Variants in PTPN7 observed in about 807,000 individuals in gnomAD.
PTPN7 encodes the protein protein tyrosine phosphatase non-receptor type 7.
Under a neutral mutation model 50.3 loss-of-function variants are expected in PTPN7, and 33 were observed. The ratio of observed to expected loss-of-function variants is 0.66; its 90% CI spans 0.50 to 0.88. PTPN7 has a LOEUF of 0.88. PTPN7 is among the 40% of genes least tolerant of loss of function. The pLI, the probability that PTPN7 is intolerant of heterozygous loss-of-function variation, is 0.00. For missense variants in PTPN7, 412 were observed against 475.4 expected (o/e 0.87, Z 1.24); for synonymous variants, 185 against 186.6 (o/e 0.99, Z 0.07).
chr1:202,150,337 A>G lies in PTPN7; in HGVS notation c.963T>C (p.Gly321=), dbSNP rs558313884. The change falls in exon 9 of 10, where the codon GGT becomes GGC. Residue 321 remains glycine (G), a synonymous_variant. Coordinates refer to ENST00000691036, the MANE Select transcript of PTPN7 (RefSeq NM_002832.4). ...LKARGEVDIL[G]IVCQLRLDRG... ...TGTCTAGCCGCAGTTGGCACACAAT[A>G]CCCAGAATGTCCACTTCTCCTCGGG... 50 of 1,612,706 alleles carry G rather than the reference A, an allele frequency of 3.1e-5. No individual in the cohort carries two copies. In the East Asian group the frequency reaches 1.0e-3, roughly 34 times the overall value.
upstream of PTPN7, chr1:202,160,763 C>T: frequency 6.4e-7 from 1 of 1,550,976 alleles, no homozygotes; most frequent in South Asian, 1.2e-5. The surrounding 1 kb of genome is among the most constrained non-coding windows in gnomAD (Gnocchi z 4.8). Context: ...GGGCCCAAGG[C>T]CCCGTTCCCT....
At chr1:202,157,525 G>C (rs947577858) in intron 4 of PTPN7, among the ~76,000 whole-genome samples, 1 of 149,846 alleles carries the variant, frequency 6.7e-6, no homozygotes, top group Non-Finnish European at 1.5e-5. Flanking sequence ...AAAAAAAAAA[G>C]GATTGAGAAC....
At chr1:202,150,468 G>A (rs768842566) in intron 8 of PTPN7, 44 bp from the exon 9 acceptor site, 2 of 1,475,718 alleles carry the variant, frequency 1.4e-6, no homozygotes, top group South Asian at 2.4e-5. Flanking sequence ...TGGGAGACCA[G>A]GGAATATGAG....
rs1657217453 is a variant in PTPN7, at chr1:202,160,235, G to T, written c.-53+310C>A. Reference sequence around the variant, plus strand: ...TCACAGTGGGCGAGGTGGCGGGGGTGTTGAATCACCAAGGCAGCAGGGACG... The same window carrying T: ...TCACAGTGGGCGAGGTGGCGGGGGTTTTGAATCACCAAGGCAGCAGGGACG... On this transcript the variant is annotated intron_variant, in intron 1 of 9. Transcript: ENST00000691036. The surrounding 1 kb of genome is among the most constrained non-coding windows in gnomAD (Gnocchi z 4.8). 6.6e-6 allele frequency among the ~76,000 whole-genome samples: 1 copy of T among 152,146 alleles called. No homozygotes were observed. Among genetic ancestry groups the T allele is most frequent in the African/African-American group, 2.4e-5 (1 of 41,426 alleles).
At chr1:202,153,168 GT>G (rs576383525) in intron 7 of PTPN7, among the ~76,000 whole-genome samples, 46 of 151,080 alleles carry the variant, frequency 3.0e-4, no homozygotes, top group Admixed American at 8.6e-4. Flanking sequence ...TATTTTGTTT[GT>G]TTTTTTTTGA....
intron 3 of PTPN7, 139 bp downstream of exon 3, chr1:202,157,979 C>T: frequency 7.9e-7 from 1 of 1,273,024 alleles, no homozygotes; most frequent in Middle Eastern, 2.2e-4. Context: ...TGGGGGCAGC[C>T]CCTCCCTCAG....
chr1:202,156,094 G>A (rs1028247158), intron 4 of PTPN7, among the ~76,000 whole-genome samples: 4 of 152,106 alleles, frequency 2.6e-5, no homozygotes, highest in African/African-American at 4.8e-5. Flanking sequence ...TATTTTATAC[G>A]CAGACAGTAG....
chr1:202,159,626 G>T lies in PTPN7; in HGVS notation c.-52-172C>A, dbSNP rs1657124823. 6.8e-7 allele frequency: 1 copy of T among 1,472,968 alleles called. No homozygotes were observed. Among genetic ancestry groups the T allele is most frequent in the Non-Finnish European group, 9.0e-7 (1 of 1,115,852 alleles). 91.2% of individuals were successfully genotyped at this position (1,472,968 alleles called of 1,614,324 possible). A position where few individuals can be genotyped will look rare whatever the true frequency, so the allele number is the denominator to read the frequency against. On this transcript the variant is annotated intron_variant, in intron 1 of 9. Coordinates refer to ENST00000691036, the MANE Select transcript of PTPN7 (RefSeq NM_002832.4). This position sits in a 1 kb window ranked among gnomAD's most constrained non-coding sequence, Gnocchi z 4.6. ...CAGGATCTATTTGGTGGGACCCAGGGCAGAAGGCAGTCTCGGGGTAGAGTA... is the reference window on the plus strand; with the variant it reads ...CAGGATCTATTTGGTGGGACCCAGGTCAGAAGGCAGTCTCGGGGTAGAGTA...
chr1:202,151,859 A>G (rs552010815), intron 8 of PTPN7, among the ~76,000 whole-genome samples: 1 of 152,306 alleles, frequency 6.6e-6, no homozygotes, highest in African/African-American at 2.4e-5. Flanking sequence ...CTGTCTGGGA[A>G]GAAACCAAAC....
intron 5 of PTPN7, among the ~76,000 whole-genome samples, chr1:202,155,140 G>A (rs1055452141): frequency 1.3e-5 from 2 of 152,140 alleles, no homozygotes; most frequent in Non-Finnish European, 1.5e-5. Flanking sequence ...GCTATCTGAG[G>A]GGCAGTTAAG....
chr1:202,158,270 C>G lies in PTPN7; in HGVS notation c.154G>C (p.Val52Leu), dbSNP rs1470815605. Residue 52 changes from valine to leucine, a missense_variant, in exon 3 of 10, where the codon GTT becomes CTT. By Grantham distance (32) the Val-to-Leu change is conservative. Coordinates refer to ENST00000691036, the MANE Select transcript of PTPN7 (RefSeq NM_002832.4). ...RGSNVALMLD[V>L]RSLGAVEPIC... ...GGTTCTACGGCCCCCAGGGACCGAA[C>G]GTCCAGCATCAGAGCCACATTGGAG... 1 of 1,614,140 alleles carries G rather than the reference C, an allele frequency of 6.2e-7. No individual in the cohort carries two copies. Among genetic ancestry groups the G allele is most frequent in the Non-Finnish European group, 8.5e-7 (1 of 1,180,014 alleles).
intron 4 of PTPN7, among the ~76,000 whole-genome samples, chr1:202,156,590 G>A (rs1408012518): frequency 6.6e-6 from 1 of 152,210 alleles, no homozygotes; most frequent in African/African-American, 2.4e-5. Context: ...AAGGTACCCT[G>A]GGGACCAGGG....
intron 3 of PTPN7, 31 bp from the exon 4 acceptor site, chr1:202,157,854 G>A (rs1397351747): frequency 1.3e-6 from 2 of 1,585,798 alleles, no homozygotes; most frequent in African/African-American, 1.3e-5. Context: ...GTGAGCAGCT[G>A]ACTCCTAGCC....
Position 202,158,271 on chromosome 1 carries a change from G to A in PTPN7, c.153C>T (p.Asp51=), listed in dbSNP as rs377638610. The change falls in exon 3 of 10, where the codon GAC becomes GAT. Residue 51 remains aspartate, a synonymous_variant. Transcript: ENST00000691036. Reference sequence around the variant, plus strand: ...GTTCTACGGCCCCCAGGGACCGAACGTCCAGCATCAGAGCCACATTGGAGC... The same window carrying A: ...GTTCTACGGCCCCCAGGGACCGAACATCCAGCATCAGAGCCACATTGGAGC... ...RRGSNVALML[D]VRSLGAVEPI... 90 of 1,614,048 alleles carry A rather than the reference G, an allele frequency of 5.6e-5. No individual in the cohort carries two copies. The highest frequency in any genetic ancestry group is 1.3e-4 in the Admixed American group (8 of 60,004).
intron 4 of PTPN7, 43 bp downstream of exon 4, chr1:202,157,696 A>AG (rs1557977224): frequency 6.4e-7 from 1 of 1,558,342 alleles, no homozygotes; most frequent in South Asian, 1.1e-5. Flanking sequence ...CTCTAGCCCC[A>AG]GGGACTGTAC....
At position 202,160,077 on chromosome 1, in the gene PTPN7, G is replaced by A. The variant is rs147176673; in HGVS notation, c.-53+468C>T. ...CCCCCCGTCTCCCGCCTCTGTAACC[G>A]TCACAGGAAATGGCCTCACCAAGCC... is the stretch of plus-strand genomic sequence containing the variant. On this transcript the variant is annotated intron_variant, in intron 1 of 9. Transcript: ENST00000691036. This position sits in a 1 kb window ranked among gnomAD's most constrained non-coding sequence, Gnocchi z 4.8. 0.014 allele frequency: 11,068 copies of A among 775,192 alleles called. 111 individuals are homozygous for A. Among genetic ancestry groups the A allele is most frequent in the Non-Finnish European group, 0.016 (10,462 of 634,908 alleles). 48.0% of individuals were successfully genotyped at this position (775,192 alleles called of 1,614,324 possible).
Position 202,147,969 on chromosome 1 carries a change from A to G in PTPN7, c.*637T>C, listed in dbSNP as rs1655510641. Reference sequence around the variant, plus strand: ...ATGACACATGGGTGGAGGCAAGGGTAACCAGAGTCCTTGTTCTTTCTTTTG... The same window carrying G: ...ATGACACATGGGTGGAGGCAAGGGTGACCAGAGTCCTTGTTCTTTCTTTTG... On this transcript the variant is annotated 3_prime_UTR_variant, in exon 10 of 10. Coordinates refer to ENST00000691036, the MANE Select transcript of PTPN7 (RefSeq NM_002832.4). 6.6e-6 allele frequency: 1 copy of G among 152,268 alleles called. No individual in the cohort carries two copies. The highest frequency in any genetic ancestry group is 1.5e-5 in the Non-Finnish European group (1 of 68,094). The allele number at this position is 152,268 out of a possible 1,614,324, so 9.4% of individuals were successfully genotyped here. A position where few individuals can be genotyped will look rare whatever the true frequency, so the allele number is the denominator to read the frequency against.
chr1:202,155,930 A>G (rs1490588211), intron 4 of PTPN7, among the ~76,000 whole-genome samples: 1 of 151,986 alleles, frequency 6.6e-6, no homozygotes, highest in Non-Finnish European at 1.5e-5. Context: ...TGGCTTGCTT[A>G]TTTATTTATT....
intron 4 of PTPN7, among the ~76,000 whole-genome samples, chr1:202,157,467 C>A: frequency 6.6e-6 from 1 of 151,876 alleles, no homozygotes; most frequent in African/African-American, 2.4e-5. Context: ...CCAGATTGCG[C>A]CATTGCACTC....
Sources: gnomAD v4.1 joint callset for allele counts (sites outside exome capture counted in the v4.1 genomes callset) on GRCh38, gnomAD v4.1.1 for gene constraint, Gnocchi (gnomAD v3.1) non-coding constraint, MANE v1.5 for transcripts, NCBI Gene and HGNC (gene_info 2026-07-23, HGNC 2026-07-21) for gene names.